The following OARD1 variants were observed in gnomAD, a reference collection of about 807,000 sequenced individuals.
OARD1 encodes O-acyl-ADP-ribose deacylase 1.
Under a neutral mutation model 19.7 loss-of-function variants are expected in OARD1, and 19 were observed. The ratio of observed to expected loss-of-function variants is 0.96; its 90% confidence interval spans 0.67 to 1.41. The LOEUF is 1.41. Ranked by LOEUF, OARD1 falls within the 40% of genes most tolerant of loss-of-function variation. OARD1 has a pLI of 0.00. For synonymous variants in OARD1, 70 were observed against 61.8 expected, an observed-to-expected ratio of 1.13 and a Z score of -0.62; for missense variants, 190 against 183.8, an observed-to-expected ratio of 1.03 and a Z score of -0.20.
At chr6:41,097,670 G>A in intron 1 of OARD1, 1 of 402,872 alleles carries the variant, frequency 2.5e-6, no homozygotes, top group East Asian at 4.6e-5. Flanking sequence ...TTCGGATGAT[G>A]CAAGGAGACA....
chr6:41,071,052 C>T, intron 3 of OARD1, 80 bp downstream of exon 3: 1 of 1,385,754 alleles, frequency 7.2e-7, no homozygotes, highest in Non-Finnish European at 1.0e-6. Context: ...CCCCTCTTTA[C>T]ACGCATATTT....
At position 41,080,845 on chromosome 6, in the gene OARD1, C is replaced by G; in HGVS notation, c.-41-9170G>C. On this transcript the variant is annotated intron_variant, in intron 1 of 4. Coordinates refer to the OARD1 transcript ENST00000480585. ...GGTGTCACTGCTGTGCAGTTGCAGA[C>G]TGAGGCCCAGGTGGCATCCGCCTCA... 6.2e-7 allele frequency: 1 copy of G among 1,614,062 alleles called. No individual in the cohort carries two copies. Among genetic ancestry groups the G allele is most frequent in the Non-Finnish European group, 8.5e-7 (1 of 1,179,912 alleles).
At chr6:41,097,315 T>G in intron 1 of OARD1, 2 of 1,605,658 alleles carry the variant, frequency 1.2e-6, no homozygotes. Context: ...TTCCTGTTGC[T>G]TTTGCAAAGG....
At chr6:41,097,607 C>G (rs1226874668) in intron 1 of OARD1, 1 of 572,114 alleles carries the variant, frequency 1.7e-6, no homozygotes, top group East Asian at 3.0e-5. Flanking sequence ...CTTTGTCTTA[C>G]TCTTTCAGTC....
rs1434513353 is a variant in OARD1 at position 41,072,273 on chromosome 6, G to A, written c.-79C>T. The A allele has an allele frequency of 6.6e-6, 1 of 152,522 alleles. No individual in the cohort carries two copies. Among genetic ancestry groups the A allele is most frequent in the Non-Finnish European group, 1.5e-5 (1 of 68,286 alleles). 9.4% of individuals were successfully genotyped at this position (152,522 alleles called of 1,614,324 possible). On this transcript the variant is annotated 5_prime_UTR_variant, in exon 1 of 6. Coordinates refer to ENST00000424266, the MANE Select transcript of OARD1 (RefSeq NM_001329686.2). ...CAGCGAGGACGCAGTCTGTCCTGGG[G>A]TCCTATGGGAGGGTGCGGGGAGGCT...
intron 1 of OARD1, among the ~76,000 whole-genome samples, chr6:41,087,264 A>C (rs996994817): frequency 6.6e-6 from 1 of 152,232 alleles, no homozygotes; most frequent in Non-Finnish European, 1.5e-5. Flanking sequence ...ATTTGGAAAA[A>C]ATAATTCAGA....
chr6:41,080,825 C>T (rs1763884995), intron 1 of OARD1: 1 of 1,613,734 alleles, frequency 6.2e-7, no homozygotes, highest in African/African-American at 1.3e-5. Flanking sequence ...AGGGTGGTGT[C>T]ACTGCTGTGC....
intron 1 of OARD1, chr6:41,093,172 C>A: frequency 8.3e-7 from 1 of 1,199,408 alleles, no homozygotes; most frequent in Non-Finnish European, 1.2e-6. Context: ...TGTTTTCTCA[C>A]GTACCTTCCA....
chr6:41,082,250 G>A (rs1213353656), intron 1 of OARD1, among the ~76,000 whole-genome samples: 3 of 152,170 alleles, frequency 2.0e-5, no homozygotes, highest in Admixed American at 6.5e-5. Context: ...AAATTAAGCC[G>A]AAAGAAACTG....
At chr6:41,090,308 A>G (rs758493832) in intron 1 of OARD1, 1 of 1,610,788 alleles carries the variant, frequency 6.2e-7, no homozygotes, top group South Asian at 1.1e-5. Context: ...TTCTCCAGCA[A>G]GGTAAGTGTA....
intron 1 of OARD1, chr6:41,078,976 T>A (rs1763830955): frequency 1.3e-6 from 1 of 795,664 alleles, no homozygotes; most frequent in African/African-American, 1.7e-5. Flanking sequence ...AATTGTCTGG[T>A]AAGGCCTTTA....
At chr6:41,091,136 C>T (rs1416380706) in intron 1 of OARD1, among the ~76,000 whole-genome samples, 1 of 152,222 alleles carries the variant, frequency 6.6e-6, no homozygotes, top group Non-Finnish European at 1.5e-5. Flanking sequence ...CTACAACTGA[C>T]TCATTGTCAG....
intron 1 of OARD1, among the ~76,000 whole-genome samples, chr6:41,085,688 T>G (rs2113803717): frequency 6.6e-6 from 1 of 152,294 alleles, no homozygotes; most frequent in South Asian, 2.1e-4. Context: ...TTTTGTGTAT[T>G]CTTTTGTGTT....
intron 4 of OARD1, 48 bp from the exon 5 acceptor site, chr6:41,069,001 A>C: frequency 9.8e-7 from 1 of 1,024,420 alleles, no homozygotes; most frequent in Non-Finnish European, 1.5e-6. Context: ...TGATAGCCAA[A>C]GAAAAGTCAT....
intron 1 of OARD1, among the ~76,000 whole-genome samples, chr6:41,082,642 A>G (rs1457414315): frequency 6.6e-6 from 1 of 152,236 alleles, no homozygotes; most frequent in Non-Finnish European, 1.5e-5. Context: ...TGGAAATAAT[A>G]GAAACCTTTC....
intron 2 of OARD1, 59 bp downstream of exon 2, chr6:41,071,537 C>T: frequency 7.3e-7 from 1 of 1,376,136 alleles, no homozygotes. Context: ...AGTGTTTATG[C>T]TTTTGACCTC....
chr6:41,095,251 T>C (rs1173659688), intron 1 of OARD1, among the ~76,000 whole-genome samples: 6 of 152,214 alleles, frequency 3.9e-5, no homozygotes, highest in Admixed American at 6.5e-5. Context: ...CTCCAGCTCC[T>C]GTCTACCTCT....
At chr6:41,088,149 T>C (rs1249743835) in intron 1 of OARD1, among the ~76,000 whole-genome samples, 4 of 152,108 alleles carry the variant, frequency 2.6e-5, no homozygotes, top group African/African-American at 9.7e-5. Context: ...GCCGGTGCGG[T>C]GGCCCACACC....
Position 41,078,922 on chromosome 6 carries a change from C to A in OARD1, c.-41-7247G>T, listed in dbSNP as rs1763829169. ...ATATAAGCATTTCCTATTCTCCTATCCTGTTTTCTTGCAAATAAAGTACAG... is the reference window on the plus strand; with the variant it reads ...ATATAAGCATTTCCTATTCTCCTATACTGTTTTCTTGCAAATAAAGTACAG... On this transcript the variant is annotated intron_variant, in intron 1 of 4. Coordinates refer to the OARD1 transcript ENST00000480585. 10 of 554,802 alleles carry A rather than the reference C, an allele frequency of 1.8e-5. No individual in the cohort carries two copies. The South Asian group carries it at 2.7e-4, about 15-fold the overall frequency. 34.4% of individuals were successfully genotyped at this position (554,802 alleles called of 1,614,324 possible). A position where few individuals can be genotyped will look rare whatever the true frequency, so the allele number is the denominator to read the frequency against.
Sources: allele counts gnomAD v4.1 joint callset (sites outside exome capture counted in the v4.1 genomes callset), GRCh38; gene constraint gnomAD v4.1.1; transcripts MANE v1.5; gene names NCBI Gene and HGNC (gene_info 2026-07-23, HGNC 2026-07-21).